The following PPM1A variants were observed in gnomAD, a reference collection of about 807,000 sequenced individuals.
The protein encoded by PPM1A is protein phosphatase 1A.
A neutral mutation model predicts 35.0 loss-of-function variants in PPM1A; 7 were observed. The observed-to-expected ratio is 0.20, with a 90% CI of 0.11 to 0.38. The LOEUF (loss-of-function observed/expected upper bound fraction) is 0.38, where lower values mean the gene tolerates loss of function less well. Among genes scored for constraint, PPM1A ranks in the 10% least tolerant of loss-of-function variants. PPM1A has a pLI of 1.00. For missense variants in PPM1A, 239 were observed against 467.8 expected (o/e 0.51, Z 4.51); for synonymous variants, 153 against 167.3 (o/e 0.91, Z 0.66).
In PPM1A at chr14:60,259,946, C is replaced by T. The variant is rs374332102; in HGVS notation, c.-21+10269C>T. Among the ~76,000 whole-genome samples, 6 of 152,050 alleles carry T rather than the reference C, an allele frequency of 3.9e-5. No homozygotes were observed. The South Asian group carries it at 1.2e-3, about 32-fold the overall frequency. On this transcript the variant is annotated intron_variant, in intron 1 of 5. Coordinates refer to ENST00000395076, the MANE Select transcript of PPM1A (RefSeq NM_021003.5). ...TTATGTACTTCAGATCACAGCACAACTAGAAGATGTTGATACATTACATAA... is the reference window on the plus strand; with the variant it reads ...TTATGTACTTCAGATCACAGCACAATTAGAAGATGTTGATACATTACATAA...
rs1555339228 is a variant in PPM1A, at chr14:60,255,170, T to TTTG, written c.-21+5495_-21+5496insGTT. 7.4e-4 allele frequency among the ~76,000 whole-genome samples: 81 copies of TTTG among 109,640 alleles called. 1 individual carries two copies. Among genetic ancestry groups the TTTG allele is most frequent in the African/African-American group, 4.6e-3 (72 of 15,536 alleles). 71.9% of individuals were successfully genotyped at this position (109,640 alleles called of 152,430 possible). A position where few individuals can be genotyped will look rare whatever the true frequency, so the allele number is the denominator to read the frequency against. Reference sequence around the variant, plus strand: ...TATTTCTATCATATGTTTTTTTTTTTTTTGTTTTGTTTTGTTTTTGAGACA... The same window carrying TTTG: ...TATTTCTATCATATGTTTTTTTTTTTTTGTTTGTTTTGTTTTGTTTTTGAGACA... On this transcript the variant is annotated intron_variant, in intron 1 of 5. Transcript: ENST00000395076.
intron 1 of PPM1A, among the ~76,000 whole-genome samples, chr14:60,261,679 G>T (rs1332741326): frequency 2.0e-5 from 3 of 152,198 alleles, no homozygotes; most frequent in Non-Finnish European, 2.9e-5. Context: ...TATTTTGGGT[G>T]CTGTCAGATT....
intron 1 of PPM1A, chr14:60,250,230 A>G (rs1882222348): frequency 6.4e-6 from 1 of 155,378 alleles, no homozygotes; most frequent in Non-Finnish European, 1.4e-5. Flanking sequence ...AACTCAAGTC[A>G]GTGAGTGATG....
intron 1 of PPM1A, among the ~76,000 whole-genome samples, chr14:60,262,200 C>CT (rs1883821878): frequency 6.6e-6 from 1 of 152,088 alleles, no homozygotes; most frequent in African/African-American, 2.4e-5. Context: ...AGGATTCTTT[C>CT]TTTACAAAAG....
chr14:60,284,273 C>G (rs1037748776), intron 2 of PPM1A, among the ~76,000 whole-genome samples: 1 of 152,160 alleles, frequency 6.6e-6, no homozygotes, highest in Non-Finnish European at 1.5e-5. Flanking sequence ...AGGCTTACCT[C>G]TATTAGTTTT....
At position 60,255,159 on chromosome 14, in the gene PPM1A, G is replaced by GTTTT. The variant is rs869066455; in HGVS notation, c.-21+5493_-21+5496dup. 1.2e-3 allele frequency among the ~76,000 whole-genome samples: 125 copies of GTTTT among 100,832 alleles called. 21 individuals carry two copies. Among genetic ancestry groups the GTTTT allele is most frequent in the African/African-American group, 8.2e-3 (102 of 12,460 alleles). The allele number at this position is 100,832 out of a possible 152,430, so 66.1% of individuals were successfully genotyped here. A position where few individuals can be genotyped will look rare whatever the true frequency, so the allele number is the denominator to read the frequency against. On this transcript the variant is annotated intron_variant, in intron 1 of 5. Coordinates refer to ENST00000395076, the MANE Select transcript of PPM1A (RefSeq NM_021003.5). ...TGTCTGTGTATTATTTCTATCATATGTTTTTTTTTTTTTTGTTTTGTTTTG... is the reference window on the plus strand; with the variant it reads ...TGTCTGTGTATTATTTCTATCATATGTTTTTTTTTTTTTTTTTTGTTTTGTTTTG...
intron 1 of PPM1A, among the ~76,000 whole-genome samples, chr14:60,252,663 A>T (rs537283665): frequency 6.6e-6 from 1 of 152,208 alleles, no homozygotes; most frequent in East Asian, 1.9e-4. Flanking sequence ...TTTTGCTATT[A>T]GCCAAGATAT....
intron 1 of PPM1A, chr14:60,256,882 A>G (rs866421079): frequency 2.6e-5 from 4 of 152,278 alleles, no homozygotes; most frequent in Middle Eastern, 6.8e-3. Flanking sequence ...TCTCTTGGCC[A>G]TTGTGATGGG....
At chr14:60,272,619 A>G (rs1475253654) in intron 1 of PPM1A, among the ~76,000 whole-genome samples, 1 of 151,082 alleles carries the variant, frequency 6.6e-6, no homozygotes, top group Non-Finnish European at 1.5e-5. Flanking sequence ...TGAGGCACAG[A>G]ATCACTTGAA....
chr14:60,250,096 T>C (rs1370208241), intron 1 of PPM1A, among the ~76,000 whole-genome samples: 2 of 151,758 alleles, frequency 1.3e-5, no homozygotes, highest in East Asian at 2.0e-4. Context: ...CCGGCTGTCC[T>C]GGGCTTCAGC....
At chr14:60,247,493 G>T (rs533274096), upstream of PPM1A, among the ~76,000 whole-genome samples, 1 of 152,018 alleles carries the variant, frequency 6.6e-6, no homozygotes, top group East Asian at 1.9e-4. Flanking sequence ...AGCCAGGCGT[G>T]GTGGCAGGCG....
At chr14:60,276,706 ACT>A (rs991400250) in intron 1 of PPM1A, among the ~76,000 whole-genome samples, 5 of 152,026 alleles carry the variant, frequency 3.3e-5, no homozygotes, top group African/African-American at 1.2e-4. Context: ...CAGTTGAATA[ACT>A]CTTGTTACTT....
At chr14:60,264,596 G>C (rs1394856676) in intron 1 of PPM1A, among the ~76,000 whole-genome samples, 1 of 152,056 alleles carries the variant, frequency 6.6e-6, no homozygotes, top group Admixed American at 6.5e-5. Flanking sequence ...GCTCCTCTTT[G>C]AAATACATTG....
At chr14:60,268,487 T>C in intron 1 of PPM1A, 3 of 738,656 alleles carry the variant, frequency 4.1e-6, no homozygotes, top group Non-Finnish European at 5.0e-6. Flanking sequence ...TTAGTTAGAC[T>C]ATTTAGTGGC....
chr14:60,274,091 G>A (rs1885469373), intron 1 of PPM1A, among the ~76,000 whole-genome samples: 1 of 152,218 alleles, frequency 6.6e-6, no homozygotes, highest in Admixed American at 6.5e-5. Flanking sequence ...AACCCTTGAG[G>A]AATGCCAATG....
chr14:60,283,187 C>G lies in PPM1A; in HGVS notation c.484C>G (p.Gln162Glu). The stretch of plus-strand genomic sequence containing the variant: ...GAACAGGAAAGTTCATTTCTTCACA[C>G]AAGATCACAAACCAAGTAATCCGCT... The part of the protein sequence containing the change: ...CRNRKVHFFT[Q>E]DHKPSNPLEK... The change falls in exon 2 of 6, where the codon CAA becomes GAA. Residue 162 changes from glutamine to glutamate, a missense_variant. This residue lies in a region of PPM1A where 175 missense variants were observed against 389.2 expected (regional missense o/e 0.45). Coordinates refer to ENST00000395076, the MANE Select transcript of PPM1A (RefSeq NM_021003.5). The surrounding 1 kb of genome is among the most constrained non-coding windows in gnomAD (Gnocchi z 6.3). 3 of 1,614,220 alleles carry G rather than the reference C, an allele frequency of 1.9e-6. No homozygotes were observed. The highest frequency in any genetic ancestry group is 2.5e-6 in the Non-Finnish European group (3 of 1,180,034).
chr14:60,260,505 C>G (rs760520997), intron 1 of PPM1A, among the ~76,000 whole-genome samples: 1 of 152,104 alleles, frequency 6.6e-6, no homozygotes, highest in East Asian at 1.9e-4. Context: ...GAAAACCATA[C>G]AATCATAGTA....
chr14:60,290,070 G>C (rs539681541), intron 4 of PPM1A, among the ~76,000 whole-genome samples, 156 bp downstream of exon 4: 35 of 152,142 alleles, frequency 2.3e-4, no homozygotes, highest in Non-Finnish European at 3.7e-4. Flanking sequence ...AGAATATCTA[G>C]AGTTTGTTTA....
At chr14:60,291,487 T>C in intron 5 of PPM1A, 33 bp downstream of exon 5, 4 of 1,517,928 alleles carry the variant, frequency 2.6e-6, no homozygotes, top group Non-Finnish European at 3.6e-6. Context: ...CTGCTTTCCC[T>C]TCCCCTCCAC....
Sources: gnomAD v4.1 joint callset for allele counts (sites outside exome capture counted in the v4.1 genomes callset) on GRCh38, gnomAD v4.1.1 for gene constraint, gnomAD v4.1.1 regional missense constraint, Gnocchi (gnomAD v3.1) non-coding constraint, MANE v1.5 for transcripts, NCBI Gene and HGNC (gene_info 2026-07-23, HGNC 2026-07-21) for gene names.